The following RERE variants were observed in gnomAD, a reference collection of about 807,000 sequenced individuals.
RERE encodes the protein arginine-glutamic acid dipeptide repeats, also known as arginine-glutamic acid dipeptide repeats protein.
RERE carries 40 observed loss-of-function variants against 146.1 expected under a neutral mutation model. The observed-to-expected ratio is 0.27, with a 90% CI of 0.21 to 0.36. The LOEUF is 0.36. Among genes scored for constraint, RERE ranks in the 10% least tolerant of loss-of-function variants. The probability of loss-of-function intolerance (pLI) is 1.00; values close to 1 mark genes in which losing one functional copy is unlikely to be tolerated. For synonymous variants in RERE, 1,003 were observed against 866.0 expected, an observed-to-expected ratio of 1.16 and a Z score of -2.78; for missense variants, 1,933 against 2,138.7, an observed-to-expected ratio of 0.90 and a Z score of 1.90.
At chr1:8,685,441 G>T (rs796089541) in intron 1 of RERE, among the ~76,000 whole-genome samples, 10 of 152,134 alleles carry the variant, frequency 6.6e-5, no homozygotes, top group African/African-American at 2.2e-4. Context: ...ATCTATTAAG[G>T]CCGGGCGCGG....
At chr1:8,645,598 G>C (rs992842934) in intron 2 of RERE, among the ~76,000 whole-genome samples, 2 of 152,110 alleles carry the variant, frequency 1.3e-5, no homozygotes, top group Non-Finnish European at 2.9e-5. Context: ...GATTGGGGGC[G>C]GAATCTGAGA....
At chr1:8,778,158 T>C (rs1450166454) in intron 1 of RERE, among the ~76,000 whole-genome samples, 1 of 152,234 alleles carries the variant, frequency 6.6e-6, no homozygotes, top group Admixed American at 6.5e-5. Flanking sequence ...ATAAAATTTA[T>C]CTATTAGACA....
At chr1:8,526,944 T>C (rs1645577863) in intron 7 of RERE, among the ~76,000 whole-genome samples, 1 of 152,172 alleles carries the variant, frequency 6.6e-6, no homozygotes, top group South Asian at 2.1e-4. Flanking sequence ...TGGAAGACCA[T>C]GAACCTCGCC....
chr1:8,531,235 G>C lies in RERE; in HGVS notation c.830+9979C>G, dbSNP rs550646743. On this transcript the variant is annotated intron_variant, in intron 7 of 22. Coordinates refer to ENST00000400908, the MANE Select transcript of RERE (RefSeq NM_001042681.2). ...GAAGTGGTGGGTGACTTGAGGTCAGGAGTTTGAGACCAGCCTGGCCAATGG... is the reference window on the plus strand; with the variant it reads ...GAAGTGGTGGGTGACTTGAGGTCAGCAGTTTGAGACCAGCCTGGCCAATGG... 2.0e-5 allele frequency among the ~76,000 whole-genome samples: 3 copies of C among 152,122 alleles called. No individual in the cohort carries two copies. In the South Asian group the frequency reaches 6.2e-4, roughly 32 times the overall value.
At chr1:8,420,678 T>G (rs1643898335) in intron 12 of RERE, among the ~76,000 whole-genome samples, 1 of 152,128 alleles carries the variant, frequency 6.6e-6, no homozygotes, top group South Asian at 2.1e-4. Context: ...TGCAAACAAC[T>G]CTCTCATTAG....
chr1:8,767,574 C>T (rs1640870988), intron 1 of RERE, among the ~76,000 whole-genome samples: 1 of 145,268 alleles, frequency 6.9e-6, no homozygotes, highest in Non-Finnish European at 1.5e-5. Context: ...CACTGCACTC[C>T]AACCTGGGCT....
intron 1 of RERE, among the ~76,000 whole-genome samples, chr1:8,700,900 G>A (rs1008504230): frequency 5.9e-5 from 9 of 152,090 alleles, no homozygotes; most frequent in Admixed American, 1.3e-4. Context: ...AAGTTACATG[G>A]TTTACCAATT....
chr1:8,684,506 C>T (rs1639041475), intron 1 of RERE, among the ~76,000 whole-genome samples: 1 of 152,066 alleles, frequency 6.6e-6, no homozygotes, highest in South Asian at 2.1e-4. Flanking sequence ...TACAGAAGCA[C>T]TAAGTATCAG....
intron 11 of RERE, among the ~76,000 whole-genome samples, chr1:8,427,671 C>T (rs1402111497): frequency 3.5e-5 from 5 of 142,392 alleles, no homozygotes; most frequent in Non-Finnish European, 7.6e-5. Context: ...GAAGTAAAAG[C>T]TTCATGTGGC....
At chr1:8,604,915 T>G (rs1471247205) in intron 4 of RERE, among the ~76,000 whole-genome samples, 1 of 152,242 alleles carries the variant, frequency 6.6e-6, no homozygotes, top group Non-Finnish European at 1.5e-5. Flanking sequence ...CAAGAAAATC[T>G]GTGATGCTTG....
chr1:8,399,011 C>T (rs1643156067), intron 12 of RERE, among the ~76,000 whole-genome samples: 2 of 151,996 alleles, frequency 1.3e-5, no homozygotes, highest in Admixed American at 1.3e-4. Flanking sequence ...GGCTGCAAAA[C>T]TTTGCAGACT....
intron 8 of RERE, among the ~76,000 whole-genome samples, chr1:8,501,043 G>T (rs1427837619): frequency 6.4e-5 from 6 of 93,744 alleles, no homozygotes; most frequent in African/African-American, 1.5e-4. Context: ...GGGGGGGGGG[G>T]GTCAGCCCCC....
intron 1 of RERE, among the ~76,000 whole-genome samples, chr1:8,723,038 C>T (rs543641390): frequency 2.0e-5 from 3 of 152,264 alleles, no homozygotes; most frequent in East Asian, 1.9e-4. Flanking sequence ...ACAGCACAAA[C>T]GATTCAGAAC....
chr1:8,552,077 GAACTTC>G (rs1645942487), intron 6 of RERE, among the ~76,000 whole-genome samples: 1 of 152,180 alleles, frequency 6.6e-6, no homozygotes, highest in Non-Finnish European at 1.5e-5. Flanking sequence ...CAGTAATGCT[GAACTTC>G]AACACACATT....
chr1:8,617,314 G>A (rs1257835496), intron 3 of RERE, among the ~76,000 whole-genome samples: 10 of 124,652 alleles, frequency 8.0e-5, no homozygotes, highest in African/African-American at 2.8e-4. Flanking sequence ...TTGCACTCCA[G>A]CCTGGGTGAC....
intron 1 of RERE, chr1:8,750,693 T>C (rs1202252307): frequency 3.6e-6 from 3 of 837,242 alleles, no homozygotes; most frequent in East Asian, 2.4e-5. Context: ...GAACCCAAAT[T>C]GGCCTTTGTC....
chr1:8,738,116 C>T (rs973120921), intron 1 of RERE, among the ~76,000 whole-genome samples: 14 of 152,092 alleles, frequency 9.2e-5, no homozygotes, highest in African/African-American at 3.1e-4. Flanking sequence ...CCTCTGCTAA[C>T]GCTGTTGCCT....
chr1:8,398,272 G>A (rs975571982), intron 12 of RERE, among the ~76,000 whole-genome samples: 1 of 152,204 alleles, frequency 6.6e-6, no homozygotes, highest in African/African-American at 2.4e-5. Context: ...GTAGGGAAGG[G>A]GCTTGGAGAA....
At chr1:8,567,277 G>A (rs1646164608) in intron 4 of RERE, among the ~76,000 whole-genome samples, 1 of 152,152 alleles carries the variant, frequency 6.6e-6, no homozygotes, top group Non-Finnish European at 1.5e-5. Context: ...ATCAGCATCT[G>A]GGTCTGTGTG....
Sources: allele counts gnomAD v4.1 joint callset (sites outside exome capture counted in the v4.1 genomes callset), GRCh38; gene constraint gnomAD v4.1.1; transcripts MANE v1.5; gene names NCBI Gene and HGNC (gene_info 2026-07-23, HGNC 2026-07-21).